The following PHACTR3 variants were observed in gnomAD, a reference collection of about 807,000 sequenced individuals.
PHACTR3 encodes phosphatase and actin regulator 3, also known as protein phosphatase 1, regulatory subunit 123.
Under a neutral mutation model 66.8 loss-of-function variants are expected in PHACTR3, and 16 were observed. The observed-to-expected ratio is 0.24, with a 90% CI of 0.16 to 0.36. The LOEUF is 0.36. Among genes scored for constraint, PHACTR3 ranks in the 10% least tolerant of loss-of-function variants. The probability of loss-of-function intolerance (pLI) is 1.00; values close to 1 mark genes in which losing one functional copy is unlikely to be tolerated. For missense variants in PHACTR3, 647 were observed against 719.9 expected, an observed-to-expected ratio of 0.90 and a Z score of 1.16; for synonymous variants, 323 against 292.1, an observed-to-expected ratio of 1.11 and a Z score of -1.08.
At chr20:59,681,950 C>A (rs571385481) in intron 1 of PHACTR3, among the ~76,000 whole-genome samples, 1 of 150,808 alleles carries the variant, frequency 6.6e-6, no homozygotes, top group African/African-American at 2.4e-5. Context: ...GTGGAGGTTG[C>A]GGTGAGCAGA....
At chr20:59,794,090 C>T (rs953913516) in intron 7 of PHACTR3, among the ~76,000 whole-genome samples, 10 of 140,550 alleles carry the variant, frequency 7.1e-5, no homozygotes, top group Non-Finnish European at 1.1e-4. Flanking sequence ...TGCCACTGCA[C>T]TCCAGCCTGG....
At chr20:59,687,704 A>T (rs1008366214) in intron 1 of PHACTR3, among the ~76,000 whole-genome samples, 1 of 152,088 alleles carries the variant, frequency 6.6e-6, no homozygotes, top group African/African-American at 2.4e-5. Flanking sequence ...TTCACACTTC[A>T]CCCCTAAGAG....
chr20:59,619,835 A>G (rs1489203770), intron 1 of PHACTR3, among the ~76,000 whole-genome samples: 1 of 152,216 alleles, frequency 6.6e-6, no homozygotes, highest in East Asian at 1.9e-4. Flanking sequence ...GGCGGAGCTG[A>G]GAAGCAAAGC....
chr20:59,828,103 G>A (rs1409215269), intron 8 of PHACTR3, among the ~76,000 whole-genome samples: 2 of 152,208 alleles, frequency 1.3e-5, no homozygotes, highest in South Asian at 4.1e-4. Context: ...AGAGTCCGAA[G>A]CCTGTTTATG....
rs144331523 is a variant in PHACTR3 at position 59,734,113 on chromosome 20, G to A, written c.119-8994G>A. On this transcript the variant is annotated intron_variant, in intron 1 of 12. Transcript: ENST00000371015. Reference sequence around the variant, plus strand: ...GCTCTTCTTGGTCAGGTCCCCACACGCCTTCCTAAGCTCACCTATGTCAAC... The same window carrying A: ...GCTCTTCTTGGTCAGGTCCCCACACACCTTCCTAAGCTCACCTATGTCAAC... Among the ~76,000 whole-genome samples the A allele has an allele frequency of 2.0e-3, 309 of 152,090 alleles. 3 individuals are homozygous for A. The highest frequency in any genetic ancestry group is 7.1e-3 in the African/African-American group (294 of 41,502).
chr20:59,743,203 G>A lies in PHACTR3; in HGVS notation c.215G>A (p.Gly72Asp). ...VRRNSKLATL[G>D]RIFKPWKWRK... ...AGGAACAGCAAACTGGCCACCCTGG[G>A]CAGGATCTTCAAACCCTGGAAATGG... Residue 72 changes from glycine (G) to aspartate (D), a missense_variant, in exon 2 of 13, where the codon GGC becomes GAC. Gly to Asp is a moderately conservative substitution (Grantham distance 94). Transcript: ENST00000371015. The A allele has an allele frequency of 6.2e-7, 1 of 1,614,144 alleles. No individual in the cohort carries two copies.
At chr20:59,606,962 G>A (rs953904949) in intron 1 of PHACTR3, among the ~76,000 whole-genome samples, 1 of 152,208 alleles carries the variant, frequency 6.6e-6, no homozygotes, top group Non-Finnish European at 1.5e-5. Context: ...AAGCAATTAA[G>A]TATTTATGGA....
At chr20:59,660,868 A>G (rs2035783587) in intron 1 of PHACTR3, among the ~76,000 whole-genome samples, 1 of 152,286 alleles carries the variant, frequency 6.6e-6, no homozygotes, top group African/African-American at 2.4e-5. Context: ...GCCTTTGCCT[A>G]TGAAAAGTAG....
At chr20:59,686,889 T>G (rs1398464573) in intron 1 of PHACTR3, among the ~76,000 whole-genome samples, 2,131 of 57,684 alleles carry the variant, frequency 0.037, no homozygotes, top group Middle Eastern at 0.13. Context: ...TGGTGGTGAT[T>G]GTGATGATGG....
intron 1 of PHACTR3, among the ~76,000 whole-genome samples, chr20:59,699,392 T>C (rs1333218182): frequency 1.3e-5 from 2 of 152,192 alleles, no homozygotes; most frequent in Non-Finnish European, 2.9e-5. Flanking sequence ...TTGTGACTCC[T>C]AAACCCTGGA....
chr20:59,591,365 C>G (rs1459541225), intron 1 of PHACTR3, among the ~76,000 whole-genome samples: 1 of 152,192 alleles, frequency 6.6e-6, no homozygotes, highest in Non-Finnish European at 1.5e-5. Context: ...GGTCTCCACC[C>G]GGGCAAGGCT....
intron 1 of PHACTR3, among the ~76,000 whole-genome samples, chr20:59,587,565 TCAG>T (rs2033069279): frequency 1.3e-5 from 2 of 152,224 alleles, no homozygotes; most frequent in African/African-American, 4.8e-5. Flanking sequence ...AGCCTGTGGG[TCAG>T]GGGTGCAGGT....
chr20:59,763,759 G>A (rs968648180), intron 4 of PHACTR3, among the ~76,000 whole-genome samples: 4 of 152,216 alleles, frequency 2.6e-5, no homozygotes, highest in African/African-American at 9.6e-5. Flanking sequence ...TCAGATGCAG[G>A]AGGTGGGACC....
chr20:59,666,325 C>T (rs900036675), intron 1 of PHACTR3, among the ~76,000 whole-genome samples: 10 of 152,198 alleles, frequency 6.6e-5, no homozygotes, highest in African/African-American at 2.4e-4. Context: ...TGCCCTCTCC[C>T]ACCCTGCCTA....
rs144048130 is a variant in PHACTR3 at position 59,839,801 on chromosome 20, T to C, written c.1385-568T>C. Among the ~76,000 whole-genome samples, 686 of 152,268 alleles carry C rather than the reference T, an allele frequency of 4.5e-3. 10 individuals are homozygous for C. The highest frequency in any genetic ancestry group is 0.027 in the Middle Eastern group (8 of 294). ...CTTCAGCAATGGAGAGTCAGCGAGGTTCATAGATGTGTTAAGATTTGAAAT... is the reference window on the plus strand; with the variant it reads ...CTTCAGCAATGGAGAGTCAGCGAGGCTCATAGATGTGTTAAGATTTGAAAT... On this transcript the variant is annotated intron_variant, in intron 9 of 12. Transcript: ENST00000371015.
chr20:59,592,262 C>A (rs74520951), intron 1 of PHACTR3, among the ~76,000 whole-genome samples: 2,021 of 152,260 alleles, frequency 0.013, 42 homozygotes, highest in African/African-American at 0.044. Flanking sequence ...TCCACTCCGG[C>A]CTTTGCACCA....
chr20:59,596,888 C>G (rs1179681893), intron 1 of PHACTR3, among the ~76,000 whole-genome samples: 1 of 152,250 alleles, frequency 6.6e-6, no homozygotes, highest in Non-Finnish European at 1.5e-5. Context: ...GCTTCCCAGC[C>G]TGGCCAGTGG....
upstream of PHACTR3, among the ~76,000 whole-genome samples, chr20:59,604,164 C>G (rs1358265788): frequency 6.6e-6 from 1 of 152,066 alleles, no homozygotes; most frequent in Non-Finnish European, 1.5e-5. Context: ...AGCCTCAGGT[C>G]GCTCCCCTCC....
At chr20:59,822,333 C>T (rs1022696243) in intron 8 of PHACTR3, among the ~76,000 whole-genome samples, 1 of 139,382 alleles carries the variant, frequency 7.2e-6, no homozygotes, top group Non-Finnish European at 1.5e-5. Flanking sequence ...TGAACAGCCT[C>T]TGTGTGCCAC....
Sources: allele counts gnomAD v4.1 joint callset (sites outside exome capture counted in the v4.1 genomes callset), GRCh38; gene constraint gnomAD v4.1.1; transcripts MANE v1.5; gene names NCBI Gene and HGNC (gene_info 2026-07-23, HGNC 2026-07-21).